The following SCN8A variants were observed in gnomAD, a reference collection of about 807,000 sequenced individuals.
SCN8A encodes sodium voltage-gated channel alpha subunit 8, also known as sodium channel protein type 8 subunit alpha.
SCN8A carries 30 observed loss-of-function variants against 184.1 expected under a neutral mutation model. The ratio of observed to expected loss-of-function variants is 0.16; its 90% CI spans 0.12 to 0.22. The LOEUF (loss-of-function observed/expected upper bound fraction) is 0.22, where lower values mean the gene tolerates loss of function less well. Among genes scored for constraint, SCN8A ranks in the 10% least tolerant of loss-of-function variants. The pLI is 1.00. For missense variants in SCN8A, 1,057 were observed against 2,498.9 expected (o/e 0.42, Z 12.30); for synonymous variants, 852 against 907.0 (o/e 0.94, Z 1.09).
chr12:51,712,205 G>C (rs554066540), intron 11 of SCN8A, among the ~76,000 whole-genome samples: 1 of 152,324 alleles, frequency 6.6e-6, no homozygotes, highest in African/African-American at 2.4e-5. Context: ...CCTCAGGAAT[G>C]TACATCTAAT....
chr12:51,643,480 TCTTTA>T (rs1349266722), intron 1 of SCN8A, among the ~76,000 whole-genome samples: 1 of 152,240 alleles, frequency 6.6e-6, no homozygotes, highest in Non-Finnish European at 1.5e-5. Context: ...TGATGTATCT[TCTTTA>T]CTTCTGTGTA....
intron 11 of SCN8A, among the ~76,000 whole-genome samples, chr12:51,720,030 C>T (rs1324232694): frequency 7.5e-4 from 107 of 143,028 alleles, no homozygotes; most frequent in African/African-American, 2.5e-3. Flanking sequence ...GAGCCGAGAT[C>T]GCGCCACTGC....
At position 51,811,264 on chromosome 12, in the gene SCN8A, T is replaced by C. The variant is rs886049599; in HGVS notation, c.*3835T>C. On this transcript the variant is annotated 3_prime_UTR_variant, in exon 27 of 27. Coordinates refer to ENST00000627620, the MANE Select transcript of SCN8A (RefSeq NM_001330260.2). ...CAAAGTTCTGGCTAAGAAGGAGAGA[T>C]TGGAAGAAAAGCAAGGTCCTGACCC... 2 of 151,716 alleles carry C rather than the reference T, an allele frequency of 1.3e-5. No homozygotes were observed. Among genetic ancestry groups the C allele is most frequent in the Non-Finnish European group, 2.9e-5 (2 of 67,962 alleles). The allele number at this position is 151,716 out of a possible 1,614,324, so 9.4% of individuals were successfully genotyped here. A position where few individuals can be genotyped will look rare whatever the true frequency, so the allele number is the denominator to read the frequency against.
chr12:51,686,383 C>A lies in SCN8A; in HGVS notation c.411C>A (p.Ile137=). 6.2e-7 allele frequency: 1 copy of A among 1,610,110 alleles called. No individual in the cohort carries two copies. The highest frequency in any genetic ancestry group is 8.5e-7 in the Non-Finnish European group (1 of 1,176,728). The change falls in exon 4 of 27, where the codon ATC becomes ATA. Residue 137 remains isoleucine (I), a synonymous_variant. Transcript: ENST00000627620. ...KILIHSVFSM[I]IMCTILTNCV... The stretch of plus-strand genomic sequence containing the variant: ...TCTTCTCTACAGTATTTAGCATGAT[C>A]ATTATGTGCACTATTTTGACCAACT...
At chr12:51,719,944 C>T (rs867089886) in intron 11 of SCN8A, among the ~76,000 whole-genome samples, 23 of 151,788 alleles carry the variant, frequency 1.5e-4, no homozygotes, top group African/African-American at 3.4e-4. Flanking sequence ...GGCGTGGTAG[C>T]GGGCGCCTGT....
intron 1 of SCN8A, among the ~76,000 whole-genome samples, chr12:51,650,514 T>TC (rs1012411831): frequency 6.6e-6 from 1 of 150,392 alleles, no homozygotes; most frequent in East Asian, 2.0e-4. Context: ...CTCTTTTTTT[T>TC]TTTTTTTTTT....
Position 51,692,452 on chromosome 12 carries a change from C to T in SCN8A, c.706+3356C>T, listed in dbSNP as rs151161294. On this transcript the variant is annotated intron_variant, in intron 6 of 26. Transcript: ENST00000627620. ...TTCTTGTAGCTCAGAAAAGACCAAA[C>T]CCACCTTCTGACCCTTTTTACTTTA... Among the ~76,000 whole-genome samples the T allele has an allele frequency of 2.8e-3, 431 of 152,292 alleles. 2 individuals carry two copies. The highest frequency in any genetic ancestry group is 1.0e-2 in the African/African-American group (414 of 41,558).
Position 51,807,287 on chromosome 12 carries a change from A to G in SCN8A, c.5801A>G (p.Lys1934Arg). 1 of 1,614,000 alleles carries G rather than the reference A, an allele frequency of 6.2e-7. No individual in the cohort carries two copies. Among genetic ancestry groups the G allele is most frequent in the Non-Finnish European group, 8.5e-7 (1 of 1,179,884 alleles). ...GAGAATGGAGGCACACACCGGGAGA[A>G]AAAAGAGAGCACCCCATCTACAGCC... The part of the protein sequence containing the change: ...KLENGGTHRE[K>R]KESTPSTASL... Residue 1934 changes from lysine to arginine, a missense_variant, in exon 27 of 27, where the codon AAA becomes AGA. Transcript: ENST00000627620. This position sits in a 1 kb window ranked among gnomAD's most constrained non-coding sequence, Gnocchi z 4.5.
At chr12:51,692,095 G>A (rs1158673896) in intron 6 of SCN8A, among the ~76,000 whole-genome samples, 2 of 152,194 alleles carry the variant, frequency 1.3e-5, no homozygotes, top group East Asian at 3.8e-4. Flanking sequence ...GATCACTTCA[G>A]TGGAATTGTT....
At chr12:51,713,232 C>T in intron 11 of SCN8A, 1 of 1,145,118 alleles carries the variant, frequency 8.7e-7, no homozygotes, top group Non-Finnish European at 1.3e-6. Context: ...AAATTTTCTT[C>T]ACTGTTAGAT....
rs1160066733 is a variant in SCN8A, at chr12:51,706,500, C to T, written c.1420C>T (p.Pro474Ser). ...AGAAGGTGAAGAAGGAGGGGGCTCC[C>T]CTCGGAGCTCTTCTGAAATCTCTAA... is the stretch of plus-strand genomic sequence containing the variant. ...EEEGEEGGGS[P>S]RSSSEISKLS... Residue 474 changes from proline (P) to serine (S), a missense_variant, in exon 11 of 27, where the codon CCT (proline) becomes TCT (serine). Pro to Ser is a moderately conservative substitution (Grantham distance 74, BLOSUM62 -1). Coordinates refer to ENST00000627620, the MANE Select transcript of SCN8A (RefSeq NM_001330260.2). 2 of 1,605,014 alleles carry T rather than the reference C, an allele frequency of 1.2e-6. No homozygotes were observed. The highest frequency in any genetic ancestry group is 1.7e-6 in the Non-Finnish European group (2 of 1,175,814).
chr12:51,732,694 G>A (rs750487253), intron 12 of SCN8A, among the ~76,000 whole-genome samples: 3 of 152,026 alleles, frequency 2.0e-5, no homozygotes, highest in Non-Finnish European at 4.4e-5. Context: ...AACAATCCAC[G>A]AACATGGAAT....
chr12:51,742,953 A>G (rs899507507), intron 12 of SCN8A, among the ~76,000 whole-genome samples: 5 of 152,108 alleles, frequency 3.3e-5, no homozygotes, highest in Admixed American at 2.0e-4. Context: ...CTTCAAGCTC[A>G]TTAATTCTTT....
rs551828244 is a variant in SCN8A, at chr12:51,774,108, C to T, written c.3646-81C>T. The T allele has an allele frequency of 4.4e-5, 58 of 1,304,030 alleles. No homozygotes were observed. In the Middle Eastern group the frequency reaches 9.4e-4, roughly 21 times the overall value. The allele number at this position is 1,304,030 out of a possible 1,614,324, so 80.8% of individuals were successfully genotyped here. A position where few individuals can be genotyped will look rare whatever the true frequency, so the allele number is the denominator to read the frequency against. ...TGATGACAGGCCAGCCCATGTGGGA[C>T]GGCTCCCTGAGGATAGCAGTGCTCC... is the stretch of plus-strand genomic sequence containing the variant. On this transcript the variant is annotated intron_variant, in intron 19 of 26. Transcript: ENST00000627620.
intron 6 of SCN8A, among the ~76,000 whole-genome samples, chr12:51,695,658 TTCTC>T (rs1431577687): frequency 6.6e-6 from 1 of 151,596 alleles, no homozygotes; most frequent in African/African-American, 2.4e-5. Flanking sequence ...ACGTGTCCAT[TTCTC>T]TCTCTCAGCA....
At chr12:51,721,081 T>TATATATA (rs1383248501) in intron 11 of SCN8A, among the ~76,000 whole-genome samples, 3 of 86,798 alleles carry the variant, frequency 3.5e-5, no homozygotes, top group African/African-American at 9.3e-5. Context: ...AAAAAAAAAA[T>TATATATA]TATATATATA....
chr12:51,732,392 T>G (rs1942257952), intron 12 of SCN8A, among the ~76,000 whole-genome samples: 1 of 152,186 alleles, frequency 6.6e-6, no homozygotes, highest in Non-Finnish European at 1.5e-5. Flanking sequence ...GTGTGTGGAT[T>G]TATTTCTGGG....
At chr12:51,713,507 A>G (rs569645150) in intron 11 of SCN8A, 7 of 763,226 alleles carry the variant, frequency 9.2e-6, no homozygotes, top group Non-Finnish European at 1.7e-5. Context: ...AGTTTTCTCA[A>G]CTGCTCTGGT....
At chr12:51,596,187 A>C (rs1451741682) in intron 1 of SCN8A, among the ~76,000 whole-genome samples, 2 of 152,178 alleles carry the variant, frequency 1.3e-5, no homozygotes. Flanking sequence ...GCACCATTTT[A>C]GGTTTCCCCA....
Sources: allele counts gnomAD v4.1 joint callset (sites outside exome capture counted in the v4.1 genomes callset), GRCh38; gene constraint gnomAD v4.1.1; non-coding constraint Gnocchi (gnomAD v3.1); transcripts MANE v1.5; gene names NCBI Gene and HGNC (gene_info 2026-07-23, HGNC 2026-07-21).